Variants in CASK observed in about 807,000 individuals in gnomAD.
CASK encodes the protein peripheral plasma membrane protein CASK.
Under a neutral mutation model 82.9 loss-of-function variants are expected in CASK, and 4 were observed. That is an observed-to-expected ratio of 0.05 (90% CI 0.02 to 0.11). The LOEUF is 0.11. Among genes scored for constraint, CASK ranks in the 10% least tolerant of loss-of-function variants. CASK has a pLI of 1.00. For missense variants in CASK, 358 were observed against 720.9 expected, an observed-to-expected ratio of 0.50 and a Z score of 5.76; for synonymous variants, 259 against 253.5, an observed-to-expected ratio of 1.02 and a Z score of -0.20.
intron 2 of CASK, among the ~76,000 whole-genome samples, chrX:41,829,171 C>A (rs1265046925): frequency 2.7e-5 from 3 of 111,367 alleles, no homozygotes; most frequent in Non-Finnish European, 3.8e-5. Flanking sequence ...ATCCTTCCTA[C>A]AAATATCATA....
At chrX:41,881,687 G>A (rs1377666252) in intron 1 of CASK, among the ~76,000 whole-genome samples, 1 of 111,704 alleles carries the variant, frequency 9.0e-6, no homozygotes, top group Non-Finnish European at 1.9e-5. Flanking sequence ...TCATACCAAA[G>A]GTGCTTCATA....
rs193185310 is a variant in CASK, at chrX:41,816,206, C to G, written c.173-28923G>C. On this transcript the variant is annotated intron_variant, in intron 2 of 26. Coordinates refer to ENST00000378163, the MANE Select transcript of CASK (RefSeq NM_001367721.1). ...AAGGATACACTGCATAAAGGAAGAACAAAGAAAAAAGATCAGTTCATGATA... is the reference window on the plus strand; with the variant it reads ...AAGGATACACTGCATAAAGGAAGAAGAAAGAAAAAAGATCAGTTCATGATA... Among the ~76,000 whole-genome samples, 211 of 110,991 alleles carry G rather than the reference C, an allele frequency of 1.9e-3. 1 individual carries two copies. The highest frequency in any genetic ancestry group is 3.2e-3 in the Non-Finnish European group (171 of 52,991).
At chrX:41,702,378 T>C (rs2067814023) in intron 5 of CASK, among the ~76,000 whole-genome samples, 1 of 106,819 alleles carries the variant, frequency 9.4e-6, no homozygotes, top group African/African-American at 3.4e-5. Flanking sequence ...AGAGCAAAAC[T>C]TCGTCTCAAA....
At position 41,688,800 on chromosome X, in the gene CASK, A is replaced by G. The variant is rs754067604; in HGVS notation, c.430-17270T>C. Among the ~76,000 whole-genome samples, 26 of 110,597 alleles carry G rather than the reference A, an allele frequency of 2.4e-4. 1 individual carries two copies. The highest frequency in any genetic ancestry group is 4.2e-3 in the Middle Eastern group (1 of 238). On this transcript the variant is annotated intron_variant, in intron 5 of 26. Transcript: ENST00000378163. The stretch of plus-strand genomic sequence containing the variant: ...GAAGGTATTCATAAAGAAGATATAA[A>G]TAATTTCCTAAAGTTCAGTGTTGGT...
chrX:41,534,657 AAAAAG>A, intron 24 of CASK, 44 bp downstream of exon 24: 1 of 988,493 alleles, frequency 1.0e-6, no homozygotes, highest in Non-Finnish European at 1.4e-6. Context: ...TATAGAGTTA[AAAAAG>A]TGATAGGAAA....
chrX:41,542,723 T>C lies in CASK; in HGVS notation c.2123A>G (p.Tyr708Cys), dbSNP rs1427912985. 2 of 1,208,073 alleles carry C rather than the reference T, an allele frequency of 1.7e-6. No individual in the cohort carries two copies. The highest frequency in any genetic ancestry group is 1.1e-6 in the Non-Finnish European group (1 of 892,031). The change falls in exon 22 of 27, where the codon TAC becomes TGC. Residue 708 changes from tyrosine (Y) to cysteine (C), a missense_variant. This residue lies in a region of CASK where 118 missense variants were observed against 169.4 expected (regional missense o/e 0.70). Transcript: ENST00000378163. ...CTWFGKKKKQ[Y>C]KDKYLAKHNA... ...GTGCTTTGCCAAATATTTATCTTTG[T>C]ACTGCTTCTTTTTCTTGCCAAACCA...
chrX:41,559,755 G>A (rs1487280911), intron 18 of CASK, 24 bp downstream of exon 18: 2 of 1,177,428 alleles, frequency 1.7e-6, no homozygotes, highest in Non-Finnish European at 2.3e-6. Context: ...AGAGCAGATG[G>A]GGGTGGTTTG....
intron 5 of CASK, among the ~76,000 whole-genome samples, chrX:41,722,064 T>C (rs899657490): frequency 1.8e-5 from 2 of 112,449 alleles, no homozygotes; most frequent in African/African-American, 6.4e-5. Flanking sequence ...CCAATAAGTA[T>C]TTGTTGAATG....
intron 5 of CASK, among the ~76,000 whole-genome samples, chrX:41,738,145 T>C (rs2068530708): frequency 8.9e-6 from 1 of 112,501 alleles, no homozygotes; most frequent in Admixed American, 9.4e-5. Context: ...CAGCTAATTT[T>C]TGTATTTTTA....
At position 41,586,961 on chromosome X, in the gene CASK, A is replaced by G; in HGVS notation, c.1260T>C (p.Pro420=). Residue 420 remains proline (P), a synonymous_variant, in exon 14 of 27, where the codon CCT becomes CCC. Coordinates refer to ENST00000378163, the MANE Select transcript of CASK (RefSeq NM_001367721.1). ...KEVLEEISCY[P]ENNDAKELKR... is the part of the protein sequence containing the mutation. ...TTAGTTCCTTTGCGTCGTTATTCTC[A>G]GGGTAACATGAAATTTCTTCCAATA... 8.6e-7 allele frequency: 1 copy of G among 1,168,326 alleles called. No individual in the cohort carries two copies. The highest frequency in any genetic ancestry group is 1.7e-5 in the African/African-American group (1 of 57,151).
intron 1 of CASK, among the ~76,000 whole-genome samples, chrX:41,857,816 T>C (rs2071399604): frequency 8.9e-6 from 1 of 112,085 alleles, no homozygotes; most frequent in South Asian, 3.7e-4. Flanking sequence ...TTAAAATCAC[T>C]GTGGACAAGG....
At chrX:41,720,734 C>T (rs1358297541) in intron 5 of CASK, among the ~76,000 whole-genome samples, 1 of 111,161 alleles carries the variant, frequency 9.0e-6, no homozygotes, top group African/African-American at 3.3e-5. Context: ...GATAAGGGAC[C>T]CTAATTCTAA....
chrX:41,722,874 G>T (rs1456155438), intron 5 of CASK, among the ~76,000 whole-genome samples: 2 of 112,086 alleles, frequency 1.8e-5, no homozygotes, highest in Admixed American at 1.9e-4. Flanking sequence ...TTCCATTTCT[G>T]TTCTTCTCTA....
At chrX:41,686,403 C>CTTTT (rs779954075) in intron 5 of CASK, among the ~76,000 whole-genome samples, 1 of 94,433 alleles carries the variant, frequency 1.1e-5, no homozygotes, top group Admixed American at 1.1e-4. Flanking sequence ...TTCTTTCTTT[C>CTTTT]TTTTTTTTTT....
intron 5 of CASK, among the ~76,000 whole-genome samples, chrX:41,715,273 T>C (rs1457545803): frequency 8.9e-6 from 1 of 111,797 alleles, no homozygotes; most frequent in Non-Finnish European, 1.9e-5. Context: ...AGAATGGCCC[T>C]ATGGAAATTT....
At chrX:41,741,238 A>G (rs2068593229) in intron 4 of CASK, among the ~76,000 whole-genome samples, 1 of 111,996 alleles carries the variant, frequency 8.9e-6, no homozygotes. Flanking sequence ...TACTGGTTCA[A>G]ATCAGGCTTT....
intron 1 of CASK, among the ~76,000 whole-genome samples, chrX:41,863,717 T>C (rs929158711): frequency 8.9e-6 from 1 of 112,366 alleles, no homozygotes; most frequent in South Asian, 3.7e-4. Context: ...AAATTCACTA[T>C]TGACCTTTTT....
chrX:41,863,433 C>A (rs956445748), intron 1 of CASK, among the ~76,000 whole-genome samples: 1 of 111,467 alleles, frequency 9.0e-6, no homozygotes, highest in Non-Finnish European at 1.9e-5. Flanking sequence ...CTGGAAACAT[C>A]CCCATAGAAA....
chrX:41,741,655 T>C (rs889829142), intron 4 of CASK, among the ~76,000 whole-genome samples: 4 of 111,940 alleles, frequency 3.6e-5, no homozygotes, highest in Non-Finnish European at 7.5e-5. Flanking sequence ...CTTTGCGGCG[T>C]GTGTGGAGAC....
Sources: gnomAD v4.1 joint callset for allele counts (sites outside exome capture counted in the v4.1 genomes callset) on GRCh38, gnomAD v4.1.1 for gene constraint, gnomAD v4.1.1 regional missense constraint, MANE v1.5 for transcripts, NCBI Gene and HGNC (gene_info 2026-07-23, HGNC 2026-07-21) for gene names.